CNBD1: variants seen among roughly 807,000 people sequenced by gnomAD.
The protein encoded by CNBD1 is cyclic nucleotide binding domain containing 1.
Under a neutral mutation model 54.4 loss-of-function variants are expected in CNBD1, and 71 were observed. The observed-to-expected ratio is 1.30, with a 90% CI of 1.08 to 1.59. The LOEUF (loss-of-function observed/expected upper bound fraction) is 1.59, where lower values mean the gene tolerates loss of function less well. CNBD1 is among the 40% of genes most tolerant of loss of function. CNBD1 has a pLI of 0.00. For synonymous variants in CNBD1, 182 were observed against 170.7 expected, an observed-to-expected ratio of 1.07 and a Z score of -0.51; for missense variants, 659 against 518.0, an observed-to-expected ratio of 1.27 and a Z score of -2.64.
At chr8:87,083,196 T>G (rs1811030460) in intron 4 of CNBD1, among the ~76,000 whole-genome samples, 1 of 152,196 alleles carries the variant, frequency 6.6e-6, no homozygotes, top group African/African-American at 2.4e-5. Flanking sequence ...CCCAAACATG[T>G]TTCTTTGCGA....
chr8:87,070,715 G>T (rs538744679), intron 4 of CNBD1, among the ~76,000 whole-genome samples: 3 of 152,048 alleles, frequency 2.0e-5, no homozygotes, highest in East Asian at 3.9e-4. Flanking sequence ...GATTGGGAGG[G>T]GTGATTAAGG....
At chr8:87,215,828 A>C (rs1454778731) in intron 5 of CNBD1, among the ~76,000 whole-genome samples, 3 of 152,138 alleles carry the variant, frequency 2.0e-5, no homozygotes, top group African/African-American at 7.2e-5. Flanking sequence ...CCATCACAGC[A>C]TCCAGTTCCC....
At position 87,112,368 on chromosome 8, in the gene CNBD1, A is replaced by G. The variant is rs73693036; in HGVS notation, c.432-93625A>G. On this transcript the variant is annotated intron_variant, in intron 4 of 10. Coordinates refer to ENST00000518476, the MANE Select transcript of CNBD1 (RefSeq NM_173538.3). ...GATTTTGTCATGTGAGCATTGTCTA[A>G]GCTGTGAATCCTGCCTTCTCTAATG... Among the ~76,000 whole-genome samples, 670 of 152,210 alleles carry G rather than the reference A, an allele frequency of 4.4e-3. 6 individuals are homozygous for G. Among genetic ancestry groups the G allele is most frequent in the African/African-American group, 0.015 (634 of 41,534 alleles).
intron 5 of CNBD1, among the ~76,000 whole-genome samples, chr8:87,222,236 T>A (rs1814355396): frequency 6.6e-6 from 1 of 152,156 alleles, no homozygotes; most frequent in Non-Finnish European, 1.5e-5. Flanking sequence ...GAGTTGATCT[T>A]CAAATATTTT....
chr8:87,401,809 C>T (rs1807570196), intron 2 of CNBD1, among the ~76,000 whole-genome samples: 2 of 151,972 alleles, frequency 1.3e-5, no homozygotes, highest in African/African-American at 4.8e-5. Flanking sequence ...ATCAATTATG[C>T]TTTTCCACAT....
chr8:87,222,226 G>A (rs1198031366), intron 5 of CNBD1, among the ~76,000 whole-genome samples: 1 of 152,018 alleles, frequency 6.6e-6, no homozygotes, highest in Non-Finnish European at 1.5e-5. Context: ...GAAAAAAAAA[G>A]AGTTGATCTT....
chr8:87,045,918 G>A (rs1810177922), intron 4 of CNBD1, among the ~76,000 whole-genome samples: 1 of 151,606 alleles, frequency 6.6e-6, no homozygotes, highest in African/African-American at 2.4e-5. Context: ...GCGCACGCCT[G>A]TAGTCCCAGC....
At chr8:86,995,279 A>G (rs925228589) in intron 4 of CNBD1, among the ~76,000 whole-genome samples, 5 of 152,238 alleles carry the variant, frequency 3.3e-5, no homozygotes, top group African/African-American at 1.2e-4. Context: ...ACCATGAACC[A>G]GGGGCAGGCA....
At chr8:87,242,829 A>G (rs892527204) in intron 6 of CNBD1, among the ~76,000 whole-genome samples, 42 of 152,330 alleles carry the variant, frequency 2.8e-4, no homozygotes, top group Middle Eastern at 6.8e-3. Context: ...CTTATGGCAT[A>G]AACTTAATTG....
At chr8:87,353,971 T>A in intron 10 of CNBD1, 185 bp downstream of exon 10, 1 of 450,804 alleles carries the variant, frequency 2.2e-6, no homozygotes, top group Non-Finnish European at 4.0e-6. Flanking sequence ...AAAGGGCACA[T>A]GTTTGTAGAG....
At chr8:86,890,625 T>G (rs773149294) in intron 2 of CNBD1, among the ~76,000 whole-genome samples, 1 of 152,136 alleles carries the variant, frequency 6.6e-6, no homozygotes, top group Non-Finnish European at 1.5e-5. Flanking sequence ...CTGCATCATA[T>G]GTTAATTCTA....
Position 87,355,448 on chromosome 8 carries a change from T to A in CNBD1, c.1303+1662T>A, listed in dbSNP as rs922599979. Reference sequence around the variant, plus strand: ...ATCTAAGGCTGGTAGTATATAAGACTTTATCTAAAATTTTAGAGCTCTAGT... The same window carrying A: ...ATCTAAGGCTGGTAGTATATAAGACATTATCTAAAATTTTAGAGCTCTAGT... On this transcript the variant is annotated intron_variant, in intron 10 of 10. Transcript: ENST00000518476. Among the ~76,000 whole-genome samples, 7 of 152,138 alleles carry A rather than the reference T, an allele frequency of 4.6e-5. 1 individual carries two copies. Among genetic ancestry groups the A allele is most frequent in the Admixed American group, 4.6e-4 (7 of 15,270 alleles).
At chr8:87,226,494 A>G (rs1305917455) in intron 5 of CNBD1, among the ~76,000 whole-genome samples, 3 of 146,384 alleles carry the variant, frequency 2.0e-5, no homozygotes, top group Non-Finnish European at 3.0e-5. Context: ...TCATTTCGTT[A>G]TGTACCCAGT....
At chr8:86,920,465 A>G (rs1054051499) in intron 3 of CNBD1, among the ~76,000 whole-genome samples, 2 of 152,176 alleles carry the variant, frequency 1.3e-5, no homozygotes, top group Non-Finnish European at 2.9e-5. Context: ...GAAGGCAGCT[A>G]TGGCCACCAC....
chr8:87,277,999 A>C (rs1201482994), intron 6 of CNBD1, among the ~76,000 whole-genome samples: 1 of 151,690 alleles, frequency 6.6e-6, no homozygotes, highest in Admixed American at 6.6e-5. Context: ...GTGAACAATA[A>C]ATAAGAAAAT....
chr8:87,336,947 G>T (rs1486896886), intron 8 of CNBD1, among the ~76,000 whole-genome samples: 1 of 152,032 alleles, frequency 6.6e-6, no homozygotes, highest in African/African-American at 2.4e-5. Context: ...CAATAGTCAG[G>T]CCCCTCTTCT....
At chr8:86,871,804 C>A (rs150057014) in intron 1 of CNBD1, among the ~76,000 whole-genome samples, 207 of 152,312 alleles carry the variant, frequency 1.4e-3, no homozygotes, top group Middle Eastern at 6.8e-3. Context: ...CCCACACAGC[C>A]AGCCCTCTTT....
rs150623828 is a variant in CNBD1, at chr8:87,317,409, G to T, written c.1042+30738G>T. ...TTCATCTCACTCAAAATGCCTTCCA[G>T]TTTTCCTGTAGATTTCTCCTTGGCC... On this transcript the variant is annotated intron_variant, in intron 8 of 10. Coordinates refer to ENST00000518476, the MANE Select transcript of CNBD1 (RefSeq NM_173538.3). 1.1e-4 allele frequency among the ~76,000 whole-genome samples: 16 copies of T among 151,170 alleles called. No homozygotes were observed. In the East Asian group the frequency reaches 3.1e-3, roughly 30 times the overall value.
intron 10 of CNBD1, 42 bp downstream of exon 10, chr8:87,353,828 G>T (rs1810359836): frequency 2.7e-6 from 4 of 1,472,256 alleles, no homozygotes; most frequent in Non-Finnish European, 3.7e-6. Flanking sequence ...CCATTTTATT[G>T]GATGAGTTCT....
Sources: allele counts gnomAD v4.1 joint callset (sites outside exome capture counted in the v4.1 genomes callset), GRCh38; gene constraint gnomAD v4.1.1; transcripts MANE v1.5; gene names NCBI Gene and HGNC (gene_info 2026-07-23, HGNC 2026-07-21).